PCDHGA4: variants seen among roughly 807,000 people sequenced by gnomAD.
PCDHGA4 encodes the protein protocadherin gamma subfamily A, 4.
Under a neutral mutation model 54.6 loss-of-function variants are expected in PCDHGA4, and 38 were observed. That is an observed-to-expected ratio of 0.70 (90% CI 0.54 to 0.91). The LOEUF (loss-of-function observed/expected upper bound fraction) is 0.91. PCDHGA4 is among the 40% of genes least tolerant of loss of function. The pLI is 0.00. For synonymous variants in PCDHGA4, 511 were observed against 512.9 expected (o/e 1.00, Z 0.05); for missense variants, 1,298 against 1,220.9 (o/e 1.06, Z -0.94).
Position 141,389,558 on chromosome 5 carries a change from A to G in PCDHGA4, c.2514+31937A>G, listed in dbSNP as rs778077135. 14 of 1,613,148 alleles carry G rather than the reference A, an allele frequency of 8.7e-6. No individual in the cohort carries two copies. The East Asian group carries it at 8.9e-5, about 10-fold the overall frequency. ...TGGACGACCGCAACGACAATGCGCC[A>G]CGGGTGCTGTACCCCGCGCTGGGTC... On this transcript the variant is annotated intron_variant, in intron 1 of 3. Transcript: ENST00000571252.
chr5:141,389,560 G>T (rs1323439261), intron 1 of PCDHGA4: 5 of 1,613,224 alleles, frequency 3.1e-6, no homozygotes, highest in Non-Finnish European at 4.2e-6. Flanking sequence ...AATGCGCCAC[G>T]GGTGCTGTAC....
intron 1 of PCDHGA4, among the ~76,000 whole-genome samples, chr5:141,443,727 A>T: frequency 6.6e-6 from 1 of 152,220 alleles, no homozygotes; most frequent in Non-Finnish European, 1.5e-5. Context: ...AATTCCTCAT[A>T]CATTTCCCTA....
At chr5:141,450,885 T>C (rs1262944058) in intron 1 of PCDHGA4, among the ~76,000 whole-genome samples, 1 of 149,238 alleles carries the variant, frequency 6.7e-6, no homozygotes, top group African/African-American at 2.5e-5. Context: ...TGTGCAGTGG[T>C]GCGATATCGG....
Position 141,485,548 on chromosome 5 carries a change from T to C in PCDHGA4, c.2515-9259T>C, listed in dbSNP as rs749739126. ...ACCGAGCAGAGGTAGAGATCGTAGA[T>C]GTGAATGATCACGCCCCCCGTTTTC... On this transcript the variant is annotated intron_variant, in intron 1 of 3. Transcript: ENST00000571252. This position sits in a 1 kb window ranked among gnomAD's most constrained non-coding sequence, Gnocchi z 5.7. The C allele has an allele frequency of 3.1e-6, 5 of 1,614,040 alleles. No homozygotes were observed. The highest frequency in any genetic ancestry group is 3.4e-6 in the Non-Finnish European group (4 of 1,179,942).
intron 1 of PCDHGA4, chr5:141,371,841 C>T: frequency 6.2e-7 from 1 of 1,613,716 alleles, no homozygotes; most frequent in Non-Finnish European, 8.5e-7. Context: ...CGACTTGGGA[C>T]CTAATGGCCT....
chr5:141,415,264 C>T, intron 1 of PCDHGA4: 3 of 1,614,210 alleles, frequency 1.9e-6, no homozygotes, highest in South Asian at 1.1e-5. Flanking sequence ...CACTCTGTAC[C>T]TGGTGGTAGC....
At chr5:141,365,887 C>T in intron 1 of PCDHGA4, 1 of 1,614,160 alleles carries the variant, frequency 6.2e-7, no homozygotes, top group Middle Eastern at 1.6e-4. Flanking sequence ...CTCTGAGATC[C>T]TTCGACTATG....
At chr5:141,366,786 A>T in intron 1 of PCDHGA4, 3 of 1,575,572 alleles carry the variant, frequency 1.9e-6, no homozygotes, top group Non-Finnish European at 2.6e-6. Context: ...TGACCAGAAC[A>T]TTTTCATTTG....
intron 1 of PCDHGA4, among the ~76,000 whole-genome samples, 184 bp from the exon 2 acceptor site, chr5:141,494,623 C>A (rs2099755716): frequency 6.6e-6 from 1 of 152,146 alleles, no homozygotes; most frequent in Non-Finnish European, 1.5e-5. Flanking sequence ...GTTTCTGGTA[C>A]CTCAGACCTC....
intron 2 of PCDHGA4, among the ~76,000 whole-genome samples, chr5:141,502,829 C>A (rs1034808123): frequency 2.0e-5 from 3 of 150,428 alleles, no homozygotes; most frequent in African/African-American, 7.4e-5. Context: ...CTTGGGGAAG[C>A]CTGGACTGGC....
intron 1 of PCDHGA4, chr5:141,376,397 C>T (rs761002002): frequency 6.8e-6 from 11 of 1,614,110 alleles, no homozygotes; most frequent in South Asian, 3.3e-5. Flanking sequence ...GATTTTCCCC[C>T]AGCCCAACTA....
intron 1 of PCDHGA4, chr5:141,413,829 C>T (rs923860929): frequency 1.1e-5 from 18 of 1,613,176 alleles, no homozygotes; most frequent in Non-Finnish European, 1.4e-5. Flanking sequence ...TCCTCACCGC[C>T]TCCGACGGGG....
chr5:141,414,443 A>G (rs1413718059), intron 1 of PCDHGA4: 1 of 1,613,892 alleles, frequency 6.2e-7, no homozygotes, highest in Non-Finnish European at 8.5e-7. Flanking sequence ...TCCTCTTACA[A>G]TATCACAGTG....
intron 1 of PCDHGA4, among the ~76,000 whole-genome samples, chr5:141,454,907 A>T (rs1304287479): frequency 1.4e-5 from 2 of 139,080 alleles, no homozygotes; most frequent in East Asian, 4.3e-4. Context: ...TCCCGGGTTC[A>T]CGCCATTCTC....
intron 1 of PCDHGA4, chr5:141,413,929 CGAGTGAGTGTTCCT>C: frequency 6.2e-7 from 1 of 1,613,342 alleles, no homozygotes; most frequent in Non-Finnish European, 8.5e-7. Flanking sequence ...GCCAGAATAC[CGAGTGAGTGTTCCT>C]GAGAATTTGC....
intron 1 of PCDHGA4, chr5:141,393,214 A>AT (rs1561641117): frequency 1.2e-6 from 2 of 1,613,518 alleles, no homozygotes; most frequent in East Asian, 2.2e-5. Flanking sequence ...CCAAAATTCC[A>AT]GGTCGAAGAT....
chr5:141,495,005 CG>C (rs2099758180), intron 2 of PCDHGA4, 140 bp downstream of exon 2: 2 of 1,522,694 alleles, frequency 1.3e-6, no homozygotes, highest in African/African-American at 1.4e-5. Context: ...TCTTGGTGTG[CG>C]GGGGGCTGGC....
Position 141,355,349 on chromosome 5 carries a change from A to T in PCDHGA4, c.242A>T (p.Lys81Met), listed in dbSNP as rs534261115. 2 of 1,614,032 alleles carry T rather than the reference A, an allele frequency of 1.2e-6. No homozygotes were observed. Among genetic ancestry groups the T allele is most frequent in the South Asian group, 2.2e-5 (2 of 91,088 alleles). The change falls in exon 1 of 4, where the codon AAG becomes ATG. Residue 81 changes from lysine to methionine, a missense_variant. Physicochemically the swap from Lys to Met is moderately conservative, Grantham distance 95 (BLOSUM62 -1). Transcript: ENST00000571252. ...GGCTCAGTGGTGGGCAACATCGCCA[A>T]GGACCTGGGGTTGGCGCCCCGGGAG... ...EEGSVVGNIA[K>M]DLGLAPRELA...
intron 1 of PCDHGA4, chr5:141,360,729 CT>C: frequency 6.2e-7 from 1 of 1,614,004 alleles, no homozygotes; most frequent in Non-Finnish European, 8.5e-7. Context: ...TTCTAAAACA[CT>C]CTCTGGACAG....
Sources: gnomAD v4.1 joint callset for allele counts (sites outside exome capture counted in the v4.1 genomes callset) on GRCh38, gnomAD v4.1.1 for gene constraint, Gnocchi (gnomAD v3.1) non-coding constraint, MANE v1.5 for transcripts, NCBI Gene and HGNC (gene_info 2026-07-23, HGNC 2026-07-21) for gene names.